Variants in FBRSL1 observed in about 807,000 individuals in gnomAD.
The protein encoded by FBRSL1 is fibrosin like 1.
Under a neutral mutation model 89.6 loss-of-function variants are expected in FBRSL1, and 51 were observed. The observed-to-expected ratio is 0.57, with a 90% CI of 0.45 to 0.72. The LOEUF (loss-of-function observed/expected upper bound fraction) is 0.72. FBRSL1 is among the 30% of genes least tolerant of loss of function. The pLI, the probability that FBRSL1 is intolerant of heterozygous loss-of-function variation, is 0.00. For missense variants in FBRSL1, 1,618 were observed against 1,451.8 expected (o/e 1.11, Z -1.86); for synonymous variants, 779 against 681.1 (o/e 1.14, Z -2.24).
rs1037542324 is a variant in FBRSL1 at position 132,569,864 on chromosome 12, G to A, written c.692-62G>A. On this transcript the variant is annotated intron_variant, in intron 6 of 18. Coordinates refer to ENST00000680143, the MANE Select transcript of FBRSL1 (RefSeq NM_001367871.1). ...ACCGGGCACGTACCAGGGCTCCCTG[G>A]GCCACAGGAGGGGCAGGGACGAGGC... 5 of 1,264,858 alleles carry A rather than the reference G, an allele frequency of 4.0e-6. No homozygotes were observed. The African/African-American group carries it at 6.3e-5, about 16-fold the overall frequency. The allele number at this position is 1,264,858 out of a possible 1,614,324, so 78.4% of individuals were successfully genotyped here. A position where few individuals can be genotyped will look rare whatever the true frequency, so the allele number is the denominator to read the frequency against.
Position 132,576,721 on chromosome 12 carries a change from G to A in FBRSL1, c.1702-78G>A, listed in dbSNP as rs540875218. 2,859 of 1,478,940 alleles carry A rather than the reference G, an allele frequency of 1.9e-3. 5 individuals carry two copies. The highest frequency in any genetic ancestry group is 3.6e-3 in the Admixed American group (167 of 45,880). 91.6% of individuals were successfully genotyped at this position (1,478,940 alleles called of 1,614,324 possible). A position where few individuals can be genotyped will look rare whatever the true frequency, so the allele number is the denominator to read the frequency against. On this transcript the variant is annotated intron_variant, in intron 14 of 18. Transcript: ENST00000680143. Reference sequence around the variant, plus strand: ...CTGGACTGGCTCACACCCAGTCCCTGTGGCCCCTCAGGCCTGGGCTCCCTG... The same window carrying A: ...CTGGACTGGCTCACACCCAGTCCCTATGGCCCCTCAGGCCTGGGCTCCCTG...
chr12:132,502,794 T>C (rs1338300541), intron 1 of FBRSL1, among the ~76,000 whole-genome samples: 2 of 35,754 alleles, frequency 5.6e-5, no homozygotes, highest in Non-Finnish European at 1.1e-4. Flanking sequence ...TGCCCTCTCC[T>C]GTCCCCGCCC....
At chr12:132,543,000 G>T (rs577031032) in intron 4 of FBRSL1, among the ~76,000 whole-genome samples, 27 of 152,274 alleles carry the variant, frequency 1.8e-4, no homozygotes, top group African/African-American at 6.5e-4. Context: ...GTGCAGGGAG[G>T]CCTGGGTGAT....
Position 132,544,545 on chromosome 12 carries a change from GTGA to G in FBRSL1, c.616-3452_616-3450del, listed in dbSNP as rs1418293512. ...TTGGCTTTGTGGGCAGACAATGATG[GTGA>G]TGATGGTGGTGAGGATGAGGGTGAG... On this transcript the variant is annotated intron_variant, in intron 4 of 18. Transcript: ENST00000680143. Among the ~76,000 whole-genome samples, 5 of 152,308 alleles carry G rather than the reference GTGA, an allele frequency of 3.3e-5. No homozygotes were observed. The East Asian group carries it at 5.8e-4, about 18-fold the overall frequency.
intron 2 of FBRSL1, among the ~76,000 whole-genome samples, chr12:132,514,455 C>T (rs551477633): frequency 2.6e-5 from 4 of 152,344 alleles, no homozygotes; most frequent in South Asian, 2.1e-4. Flanking sequence ...CCGAGGCCAC[C>T]GGCCATCCTC....
intron 5 of FBRSL1, among the ~76,000 whole-genome samples, chr12:132,558,223 C>T (rs1435762631): frequency 6.6e-6 from 1 of 152,250 alleles, no homozygotes; most frequent in Non-Finnish European, 1.5e-5. Flanking sequence ...AATGGAGCGG[C>T]CCCATCCCCA....
At chr12:132,511,627 A>G (rs988021790) in intron 2 of FBRSL1, 3 of 985,586 alleles carry the variant, frequency 3.0e-6, no homozygotes, top group South Asian at 4.7e-5. Flanking sequence ...GCCACGTGAC[A>G]GGAGGCTCTG....
chr12:132,565,767 TAC>T (rs1173599093), intron 5 of FBRSL1: 1 of 152,214 alleles, frequency 6.6e-6, no homozygotes, highest in East Asian at 1.9e-4. Flanking sequence ...CTCTCCAGGG[TAC>T]ACACTGCAGT....
intron 4 of FBRSL1, among the ~76,000 whole-genome samples, chr12:132,543,958 G>A (rs867611142): frequency 9.9e-5 from 15 of 152,144 alleles, no homozygotes; most frequent in African/African-American, 3.4e-4. Context: ...CCTCTGACTC[G>A]TGCCGCTGAG....
intron 14 of FBRSL1, among the ~76,000 whole-genome samples, chr12:132,575,259 G>C (rs1412663404): frequency 1.3e-5 from 2 of 152,112 alleles, no homozygotes; most frequent in African/African-American, 4.8e-5. Flanking sequence ...ACGGAGTCTC[G>C]CTCTGTCGCC....
intron 4 of FBRSL1, among the ~76,000 whole-genome samples, chr12:132,534,012 G>A (rs140120055): frequency 9.9e-5 from 15 of 152,270 alleles, no homozygotes; most frequent in South Asian, 4.1e-4. Flanking sequence ...GAGCTGGGCC[G>A]TAGAGGATGG....
At chr12:132,510,309 G>T in intron 2 of FBRSL1, 1 of 1,230,558 alleles carries the variant, frequency 8.1e-7, no homozygotes, top group Non-Finnish European at 1.0e-6. Context: ...GTCCCTATTG[G>T]ATCTGGTGCC....
At position 132,568,107 on chromosome 12, in the gene FBRSL1, G is replaced by A. The variant is rs142427595; in HGVS notation, c.691+581G>A. On this transcript the variant is annotated intron_variant, in intron 6 of 18. Coordinates refer to ENST00000680143, the MANE Select transcript of FBRSL1 (RefSeq NM_001367871.1). Reference sequence around the variant, plus strand: ...GTGAGCTGTGGGGCGGGGTGTCCACGGGCCAGCAACCCTCTCCAGAGGGGA... The same window carrying A: ...GTGAGCTGTGGGGCGGGGTGTCCACAGGCCAGCAACCCTCTCCAGAGGGGA... Among the ~76,000 whole-genome samples the A allele has an allele frequency of 4.1e-5, 6 of 147,916 alleles. No homozygotes were observed. The South Asian group carries it at 6.2e-4, about 15-fold the overall frequency.
At chr12:132,539,088 T>C (rs1466518488) in intron 4 of FBRSL1, among the ~76,000 whole-genome samples, 2 of 151,920 alleles carry the variant, frequency 1.3e-5, no homozygotes, top group East Asian at 3.9e-4. Context: ...GGTGGGTCTG[T>C]GGCGACTTGC....
At chr12:132,574,059 G>A in intron 11 of FBRSL1, 31 bp from the exon 12 acceptor site, 1 of 1,238,766 alleles carries the variant, frequency 8.1e-7, no homozygotes, top group Non-Finnish European at 1.0e-6. Flanking sequence ...GCGGCCCCAG[G>A]CGCACACAAG....
intron 15 of FBRSL1, among the ~76,000 whole-genome samples, chr12:132,577,397 C>G (rs545186058): frequency 1.6e-4 from 25 of 152,310 alleles, no homozygotes; most frequent in African/African-American, 5.8e-4. Context: ...GGAGTTTGGC[C>G]TCTCGCTGAA....
chr12:132,498,151 G>A (rs2032354225), intron 1 of FBRSL1, among the ~76,000 whole-genome samples: 1 of 152,146 alleles, frequency 6.6e-6, no homozygotes, highest in African/African-American at 2.4e-5. Flanking sequence ...GGCAGGGAAA[G>A]CCGGCCGTCC....
intron 3 of FBRSL1, among the ~76,000 whole-genome samples, chr12:132,527,744 C>T (rs1262743423): frequency 3.0e-5 from 4 of 135,122 alleles, no homozygotes; most frequent in African/African-American, 1.1e-4. Flanking sequence ...GGGTTGAGGG[C>T]TGTGGGGCTG....
intron 6 of FBRSL1, among the ~76,000 whole-genome samples, chr12:132,568,715 TC>T (rs1566220881): frequency 6.6e-6 from 1 of 151,924 alleles, no homozygotes; most frequent in Admixed American, 6.6e-5. Flanking sequence ...GGAGGAGAGG[TC>T]CCGTGGGGCT....
Sources: gnomAD v4.1 joint callset for allele counts (sites outside exome capture counted in the v4.1 genomes callset) on GRCh38, gnomAD v4.1.1 for gene constraint, MANE v1.5 for transcripts, NCBI Gene and HGNC (gene_info 2026-07-23, HGNC 2026-07-21) for gene names.